PRKAR2B: variants seen among roughly 807,000 people sequenced by gnomAD.
The protein encoded by PRKAR2B is cAMP-dependent protein kinase type II-beta regulatory subunit.
Under a neutral mutation model 49.9 loss-of-function variants are expected in PRKAR2B, and 14 were observed. The observed-to-expected ratio is 0.28, with a 90% CI of 0.19 to 0.44. PRKAR2B has a LOEUF of 0.44. PRKAR2B is among the 20% of genes least tolerant of loss of function. PRKAR2B has a pLI of 1.00. For missense variants in PRKAR2B, 393 were observed against 537.9 expected, an observed-to-expected ratio of 0.73 and a Z score of 2.67; for synonymous variants, 196 against 197.7, an observed-to-expected ratio of 0.99 and a Z score of 0.07.
intron 2 of PRKAR2B, among the ~76,000 whole-genome samples, chr7:107,073,013 AC>A (rs1794312075): frequency 6.6e-6 from 1 of 152,200 alleles, no homozygotes; most frequent in Admixed American, 6.5e-5. Context: ...AACAATAAAT[AC>A]AAAATGTGTA....
chr7:107,110,232 G>C (rs1241995303), intron 2 of PRKAR2B, among the ~76,000 whole-genome samples: 1 of 152,146 alleles, frequency 6.6e-6, no homozygotes, highest in African/African-American at 2.4e-5. Flanking sequence ...ACCAGCCCTA[G>C]CTAGAGGAGA....
intron 6 of PRKAR2B, among the ~76,000 whole-genome samples, chr7:107,146,859 T>G (rs1356551085): frequency 6.6e-6 from 1 of 152,234 alleles, no homozygotes; most frequent in Non-Finnish European, 1.5e-5. Context: ...CACTGGCAGC[T>G]GTATCACTTG....
At chr7:107,107,969 ATAAGC>A (rs1344404077) in intron 2 of PRKAR2B, among the ~76,000 whole-genome samples, 1 of 152,092 alleles carries the variant, frequency 6.6e-6, no homozygotes, top group Non-Finnish European at 1.5e-5. Flanking sequence ...AGATGTTTTA[ATAAGC>A]AAAGTGTAGA....
At chr7:107,094,539 T>A (rs1252695430) in intron 2 of PRKAR2B, among the ~76,000 whole-genome samples, 1 of 152,236 alleles carries the variant, frequency 6.6e-6, no homozygotes, top group African/African-American at 2.4e-5. Context: ...GTTTTGGCTT[T>A]TGTTGCCATT....
chr7:107,130,291 A>C (rs1795580971), intron 4 of PRKAR2B, among the ~76,000 whole-genome samples: 1 of 151,564 alleles, frequency 6.6e-6, no homozygotes, highest in African/African-American at 2.4e-5. Context: ...CGAGGTTAGG[A>C]GATCGAGCCC....
intron 4 of PRKAR2B, chr7:107,128,788 T>TG (rs970607351): frequency 7.7e-5 from 2 of 26,112 alleles, no homozygotes; most frequent in African/African-American, 2.0e-4. Context: ...TAAGGTGAGG[T>TG]TTTTTTTTTT....
At chr7:107,149,919 G>A (rs919770376) in intron 6 of PRKAR2B, among the ~76,000 whole-genome samples, 1 of 151,930 alleles carries the variant, frequency 6.6e-6, no homozygotes, top group African/African-American at 2.4e-5. Flanking sequence ...TCTCTATGAT[G>A]TGCATATTTC....
intron 4 of PRKAR2B, chr7:107,128,910 G>A (rs1795548354): frequency 6.6e-6 from 1 of 150,726 alleles, no homozygotes; most frequent in Admixed American, 6.7e-5. Context: ...GTCTTGCACT[G>A]TGATGTACAT....
At chr7:107,134,008 T>C (rs11509187) in intron 4 of PRKAR2B, among the ~76,000 whole-genome samples, 18,891 of 152,040 alleles carry the variant, frequency 0.12, 1,427 homozygotes, top group African/African-American at 0.2. Context: ...AGAATAGACA[T>C]ACTGTTATGC....
At chr7:107,089,302 C>G (rs746952007) in intron 2 of PRKAR2B, among the ~76,000 whole-genome samples, 2 of 152,204 alleles carry the variant, frequency 1.3e-5, no homozygotes, top group Non-Finnish European at 2.9e-5. Flanking sequence ...GCTTCAGGCT[C>G]TCTGAATTCT....
At chr7:107,104,218 A>G (rs528996821) in intron 2 of PRKAR2B, among the ~76,000 whole-genome samples, 2 of 152,106 alleles carry the variant, frequency 1.3e-5, no homozygotes, top group African/African-American at 4.8e-5. Context: ...GTATTTTAGT[A>G]GAGATGGGGT....
At chr7:107,063,386 C>A (rs553721377) in intron 1 of PRKAR2B, among the ~76,000 whole-genome samples, 1 of 152,010 alleles carries the variant, frequency 6.6e-6, no homozygotes, top group Non-Finnish European at 1.5e-5. Flanking sequence ...TTGTAGCCAG[C>A]AGTGTTCTAA....
chr7:107,113,585 T>C (rs1396854818), intron 2 of PRKAR2B, among the ~76,000 whole-genome samples: 1 of 152,188 alleles, frequency 6.6e-6, no homozygotes, highest in African/African-American at 2.4e-5. Context: ...ATTCTGATGA[T>C]TAGTCGCAAA....
intron 4 of PRKAR2B, among the ~76,000 whole-genome samples, chr7:107,129,493 G>A (rs945055358): frequency 1.3e-5 from 2 of 152,124 alleles, no homozygotes; most frequent in South Asian, 2.1e-4. Context: ...CCCTGTACGC[G>A]CACTAGGCTC....
At chr7:107,095,537 A>G (rs540612078) in intron 2 of PRKAR2B, among the ~76,000 whole-genome samples, 2 of 152,310 alleles carry the variant, frequency 1.3e-5, no homozygotes, top group East Asian at 1.9e-4. Flanking sequence ...TTCCAACACT[A>G]TATTGAATAG....
intron 6 of PRKAR2B, among the ~76,000 whole-genome samples, chr7:107,149,205 A>G (rs1470481994): frequency 6.6e-6 from 1 of 152,182 alleles, no homozygotes; most frequent in Non-Finnish European, 1.5e-5. Context: ...GCTTGGAAAT[A>G]ATTTCAATAT....
chr7:107,151,775 T>TGG (rs1342981591), intron 7 of PRKAR2B, among the ~76,000 whole-genome samples: 1 of 152,156 alleles, frequency 6.6e-6, no homozygotes, highest in Non-Finnish European at 1.5e-5. Context: ...GCTCTCTGCC[T>TGG]GGCGTTGTAC....
chr7:107,078,201 C>CAAAAAAAAAAAAAAAAAA (rs66861003), intron 2 of PRKAR2B: 1 of 116,988 alleles, frequency 8.5e-6, no homozygotes. Flanking sequence ...GATACTCCAT[C>CAAAAAAAAAAAAAAAAAA]AAAAAAAAAA....
At chr7:107,153,115 G>A (rs928789257) in intron 7 of PRKAR2B, 62 bp from the exon 8 acceptor site, 29 of 1,317,898 alleles carry the variant, frequency 2.2e-5, no homozygotes, top group East Asian at 7.1e-5. Flanking sequence ...TTTTACTCCC[G>A]AACTAGATAA....
Sources: gnomAD v4.1 joint callset for allele counts (sites outside exome capture counted in the v4.1 genomes callset) on GRCh38, gnomAD v4.1.1 for gene constraint, MANE v1.5 for transcripts, NCBI Gene and HGNC (gene_info 2026-07-23, HGNC 2026-07-21) for gene names.